The following SP4 variants were observed in gnomAD, a reference collection of about 807,000 sequenced individuals.
The protein encoded by SP4 is Sp4 transcription factor.
SP4 carries 19 observed loss-of-function variants against 72.8 expected under a neutral mutation model. The observed-to-expected ratio is 0.26, with a 90% CI of 0.18 to 0.38. The LOEUF (loss-of-function observed/expected upper bound fraction) is 0.38. SP4 is among the 10% of genes least tolerant of loss of function. SP4 has a pLI of 1.00. For missense variants in SP4, 1,008 were observed against 926.3 expected, an observed-to-expected ratio of 1.09 and a Z score of -1.14; for synonymous variants, 395 against 333.1, an observed-to-expected ratio of 1.19 and a Z score of -2.02.
chr7:21,450,393 G>A (rs986755667), intron 3 of SP4, among the ~76,000 whole-genome samples: 1 of 152,112 alleles, frequency 6.6e-6, no homozygotes, highest in Admixed American at 6.5e-5. Context: ...GGTGGGCATA[G>A]TAATATTGAG....
intron 5 of SP4, among the ~76,000 whole-genome samples, chr7:21,506,562 C>G (rs1405277675): frequency 6.6e-6 from 1 of 152,170 alleles, no homozygotes; most frequent in Non-Finnish European, 1.5e-5. Context: ...TCTTTTCTGA[C>G]TACCTCTTCC....
At position 21,513,912 on chromosome 7, in the gene SP4, G is replaced by A. The variant is rs1167386006; in HGVS notation, c.*2643G>A. On this transcript the variant is annotated 3_prime_UTR_variant, in exon 6 of 6. Coordinates refer to ENST00000222584, the MANE Select transcript of SP4 (RefSeq NM_003112.5). The stretch of plus-strand genomic sequence containing the variant: ...TTCTGAGTCTACTTTTCTGTCTTTA[G>A]AAGAATCGTAAATTTCAGTGTCCTT... 4 of 152,406 alleles carry A rather than the reference G, an allele frequency of 2.6e-5. No homozygotes were observed. Among genetic ancestry groups the A allele is most frequent in the Non-Finnish European group, 5.9e-5 (4 of 67,996 alleles). The allele number at this position is 152,406 out of a possible 1,614,324, so 9.4% of individuals were successfully genotyped here. A position where few individuals can be genotyped will look rare whatever the true frequency, so the allele number is the denominator to read the frequency against.
intron 3 of SP4, among the ~76,000 whole-genome samples, chr7:21,459,965 A>T (rs1192799830): frequency 6.6e-6 from 1 of 152,256 alleles, no homozygotes; most frequent in Non-Finnish European, 1.5e-5. Context: ...TACAAGTGGC[A>T]TATGCTAAAA....
At chr7:21,501,797 A>T (rs1039591279) in intron 5 of SP4, among the ~76,000 whole-genome samples, 1 of 152,318 alleles carries the variant, frequency 6.6e-6, no homozygotes, top group Admixed American at 6.5e-5. Context: ...ACCCAGCATA[A>T]CACATACGCC....
rs771430285 is a variant in SP4 at position 21,428,219 on chromosome 7, T to A, written c.-33T>A. On this transcript the variant is annotated 5_prime_UTR_variant, in exon 1 of 6. Transcript: ENST00000222584. ...ACCCCCACCCACCTCTATCCCAGTG[T>A]CTCCGTCTGAGGGTTTGTCCTGTTA... 95 of 1,054,320 alleles carry A rather than the reference T, an allele frequency of 9.0e-5. No homozygotes were observed. The highest frequency in any genetic ancestry group is 1.2e-4 in the Non-Finnish European group (89 of 763,072). 65.3% of individuals were successfully genotyped at this position (1,054,320 alleles called of 1,614,324 possible). A position where few individuals can be genotyped will look rare whatever the true frequency, so the allele number is the denominator to read the frequency against.
chr7:21,457,348 A>C (rs1040974297), intron 3 of SP4, among the ~76,000 whole-genome samples: 4 of 152,158 alleles, frequency 2.6e-5, no homozygotes, highest in African/African-American at 9.7e-5. Context: ...TAGCTAAGTA[A>C]TGGTTCGTTA....
Position 21,430,462 on chromosome 7 carries a change from A to G in SP4, c.1297A>G (p.Ile433Val), listed in dbSNP as rs770666673. 6.2e-7 allele frequency: 1 copy of G among 1,614,210 alleles called. No homozygotes were observed. Among genetic ancestry groups the G allele is most frequent in the South Asian group, 1.1e-5 (1 of 91,080 alleles). The change falls in exon 3 of 6, where the codon ATT becomes GTT. Residue 433 changes from isoleucine to valine, a missense_variant. Physicochemically the swap from Ile to Val is conservative, Grantham distance 29 (BLOSUM62 3). Transcript: ENST00000222584. ...QSFQLQSGQT[I>V]QTIQQQPLQN... The stretch of plus-strand genomic sequence containing the variant: ...GTTTCAACTCCAGTCAGGGCAGACG[A>G]TTCAGACCATCCAGCAGCAGCCTTT...
intron 5 of SP4, among the ~76,000 whole-genome samples, chr7:21,508,845 C>G (rs1351045765): frequency 7.3e-6 from 1 of 137,172 alleles, no homozygotes; most frequent in African/African-American, 2.8e-5. Flanking sequence ...CAAGGCCGTG[C>G]TCTGTCATCC....
intron 3 of SP4, among the ~76,000 whole-genome samples, chr7:21,470,024 G>C (rs1021746658): frequency 3.9e-5 from 6 of 152,124 alleles, no homozygotes; most frequent in African/African-American, 1.4e-4. Flanking sequence ...TGATCTGACT[G>C]CCATATCAGT....
chr7:21,430,157 C>G lies in SP4; in HGVS notation c.992C>G (p.Ser331Cys), dbSNP rs890012864. Residue 331 changes from serine (S) to cysteine (C), a missense_variant, in exon 3 of 6, where the codon TCT becomes TGT. Around this residue, in one of 3 missense-constraint regions of SP4, gnomAD observed 893 missense variants for 743.3 expected, o/e 1.20. Coordinates refer to ENST00000222584, the MANE Select transcript of SP4 (RefSeq NM_003112.5). ...ACCTGCACAACCACTGCTTCAACGTCTTTGACAAGCAGTGACACATTAGTG... is the reference window on the plus strand; with the variant it reads ...ACCTGCACAACCACTGCTTCAACGTGTTTGACAAGCAGTGACACATTAGTG... Reference protein sequence around the residue: ...STTCTTTASTSLTSSDTLVSS... With the variant: ...STTCTTTASTCLTSSDTLVSS... The G allele has an allele frequency of 1.6e-5, 26 of 1,614,106 alleles. No individual in the cohort carries two copies. Among genetic ancestry groups the G allele is most frequent in the Non-Finnish European group, 1.9e-5 (22 of 1,180,044 alleles).
At chr7:21,472,532 G>T (rs1784378928) in intron 3 of SP4, among the ~76,000 whole-genome samples, 1 of 151,992 alleles carries the variant, frequency 6.6e-6, no homozygotes, top group Non-Finnish European at 1.5e-5. Context: ...GGCTCAAGCA[G>T]TCCTCCTGCC....
intron 3 of SP4, among the ~76,000 whole-genome samples, chr7:21,470,708 A>G (rs1462252136): frequency 6.6e-6 from 1 of 151,490 alleles, no homozygotes; most frequent in Non-Finnish European, 1.5e-5. Context: ...CCTACCAACA[A>G]ACTGTCCCCC....
chr7:21,485,149 T>C (rs1160280449), intron 5 of SP4, among the ~76,000 whole-genome samples: 1 of 151,848 alleles, frequency 6.6e-6, no homozygotes, highest in Non-Finnish European at 1.5e-5. Context: ...TATGAAAAAA[T>C]ATATTTTGAA....
intron 3 of SP4, among the ~76,000 whole-genome samples, chr7:21,455,082 C>G (rs1783719702): frequency 6.6e-6 from 1 of 152,168 alleles, no homozygotes; most frequent in African/African-American, 2.4e-5. Context: ...GAGCAGAGAG[C>G]CCCTTCAGCT....
chr7:21,429,395 G>A lies in SP4; in HGVS notation c.230G>A (p.Ser77Asn). 6.2e-7 allele frequency: 1 copy of A among 1,614,030 alleles called. No individual in the cohort carries two copies. Among genetic ancestry groups the A allele is most frequent in the Non-Finnish European group, 8.5e-7 (1 of 1,179,960 alleles). The change falls in exon 3 of 6, where the codon AGT (serine) becomes AAT (asparagine). Residue 77 changes from serine to asparagine, a missense_variant. Around this residue, in one of 3 missense-constraint regions of SP4, gnomAD observed 893 missense variants for 743.3 expected, o/e 1.20. Transcript: ENST00000222584. ...CAACAACAAATTATTATAGATCCAAGTCAAGGATTGGTGCAACTTCAAAAT... is the reference window on the plus strand; with the variant it reads ...CAACAACAAATTATTATAGATCCAAATCAAGGATTGGTGCAACTTCAAAAT... Reference protein sequence around the residue: ...TGQQQIIIDPSQGLVQLQNQP... With the variant: ...TGQQQIIIDPNQGLVQLQNQP...
intron 5 of SP4, among the ~76,000 whole-genome samples, chr7:21,504,970 C>A (rs1781958203): frequency 6.6e-6 from 1 of 152,146 alleles, no homozygotes; most frequent in South Asian, 2.1e-4. Context: ...TCCACTGTTA[C>A]CAACAGATGG....
At chr7:21,448,217 T>A (rs757899644) in intron 3 of SP4, among the ~76,000 whole-genome samples, 3 of 152,236 alleles carry the variant, frequency 2.0e-5, no homozygotes, top group Non-Finnish European at 4.4e-5. Flanking sequence ...TTGGAAGTAA[T>A]GTCTTAGAAA....
At chr7:21,465,337 A>G (rs1466689135) in intron 3 of SP4, among the ~76,000 whole-genome samples, 2 of 152,170 alleles carry the variant, frequency 1.3e-5, no homozygotes, top group South Asian at 2.1e-4. Flanking sequence ...CAAAGTCCAA[A>G]TAATATCCTA....
chr7:21,433,375 C>G (rs746004438), intron 3 of SP4, among the ~76,000 whole-genome samples: 5 of 152,146 alleles, frequency 3.3e-5, no homozygotes, highest in Non-Finnish European at 5.9e-5. Flanking sequence ...TAAATATGCT[C>G]AATCCTTTTA....
Sources: allele counts gnomAD v4.1 joint callset (sites outside exome capture counted in the v4.1 genomes callset), GRCh38; gene constraint gnomAD v4.1.1; regional missense constraint gnomAD v4.1.1; transcripts MANE v1.5; gene names NCBI Gene and HGNC (gene_info 2026-07-23, HGNC 2026-07-21).